The following PLXNA2 variants were observed in gnomAD, a reference collection of about 807,000 sequenced individuals.
The protein encoded by PLXNA2 is plexin A2.
Under a neutral mutation model 193.5 loss-of-function variants are expected in PLXNA2, and 91 were observed. The observed-to-expected ratio is 0.47, with a 90% confidence interval of 0.40 to 0.56. PLXNA2 has a LOEUF of 0.56. Among genes scored for constraint, PLXNA2 ranks in the 20% least tolerant of loss-of-function variants. PLXNA2 has a pLI of 0.00. For synonymous variants in PLXNA2, 997 were observed against 1,027.3 expected, an observed-to-expected ratio of 0.97 and a Z score of 0.56; for missense variants, 1,995 against 2,503.2, an observed-to-expected ratio of 0.80 and a Z score of 4.33.
intron 3 of PLXNA2, among the ~76,000 whole-genome samples, chr1:208,202,927 A>C (rs1055581308): frequency 1.3e-5 from 2 of 152,196 alleles, no homozygotes; most frequent in African/African-American, 4.8e-5. Context: ...AACTACACAA[A>C]AAGTACAAAA....
chr1:208,150,422 T>C (rs1335032493), intron 3 of PLXNA2, among the ~76,000 whole-genome samples: 1 of 152,068 alleles, frequency 6.6e-6, no homozygotes, highest in African/African-American at 2.4e-5. Context: ...GCCATGGAGA[T>C]CTTTCTCCTG....
At chr1:208,212,118 A>G (rs1051976092) in intron 2 of PLXNA2, among the ~76,000 whole-genome samples, 1 of 152,190 alleles carries the variant, frequency 6.6e-6, no homozygotes, top group Non-Finnish European at 1.5e-5. Flanking sequence ...GGAAATGGCT[A>G]TCGTAGAAAT....
chr1:208,226,514 T>C (rs1671515693), intron 1 of PLXNA2, among the ~76,000 whole-genome samples: 1 of 152,120 alleles, frequency 6.6e-6, no homozygotes, highest in African/African-American at 2.4e-5. Context: ...TGTGCACTCA[T>C]CTGAGGGGCT....
intron 3 of PLXNA2, among the ~76,000 whole-genome samples, chr1:208,165,400 T>G (rs1019288371): frequency 9.9e-5 from 15 of 152,184 alleles, no homozygotes; most frequent in Middle Eastern, 3.4e-3. Flanking sequence ...CTACCCCGGT[T>G]TTATATTTGG....
At chr1:208,041,540 G>T (rs576418175) in intron 22 of PLXNA2, among the ~76,000 whole-genome samples, 8 of 152,228 alleles carry the variant, frequency 5.3e-5, no homozygotes, top group Admixed American at 2.0e-4. Flanking sequence ...GCGATAATGG[G>T]AATGTTCTCT....
At chr1:208,051,468 A>C in intron 15 of PLXNA2, 45 bp from the exon 16 acceptor site, 2 of 1,542,554 alleles carry the variant, frequency 1.3e-6, no homozygotes, top group Non-Finnish European at 1.8e-6. Flanking sequence ...GGCATGGGCA[A>C]CAAGAGGTGC....
chr1:208,190,155 A>AT (rs892447160), intron 3 of PLXNA2, among the ~76,000 whole-genome samples: 16 of 151,506 alleles, frequency 1.1e-4, no homozygotes, highest in East Asian at 3.9e-4. Flanking sequence ...CAGAAAAGGG[A>AT]TTTTTTTTTC....
Position 208,027,003 on chromosome 1 carries a change from G to T in PLXNA2, c.*240C>A. 2.3e-6 allele frequency: 1 copy of T among 429,074 alleles called. No homozygotes were observed. The highest frequency in any genetic ancestry group is 4.2e-6 in the Non-Finnish European group (1 of 236,728). The allele number at this position is 429,074 out of a possible 1,614,324, so 26.6% of individuals were successfully genotyped here. On this transcript the variant is annotated 3_prime_UTR_variant, in exon 32 of 32. Coordinates refer to ENST00000367033, the MANE Select transcript of PLXNA2 (RefSeq NM_025179.4). Reference sequence around the variant, plus strand: ...CGGCTTGAAGAACCACCTTCTCCCGGCCCCGGGTTCTCTGGTGTTCTCACT... The same window carrying T: ...CGGCTTGAAGAACCACCTTCTCCCGTCCCCGGGTTCTCTGGTGTTCTCACT...
chr1:208,139,772 A>G (rs1251274473), intron 4 of PLXNA2, among the ~76,000 whole-genome samples: 1 of 152,182 alleles, frequency 6.6e-6, no homozygotes, highest in Non-Finnish European at 1.5e-5. Context: ...GCTTCCTTGG[A>G]GACATCTGAG....
In PLXNA2 at chr1:208,054,405, T is replaced by C. The variant is rs756058847; in HGVS notation, c.2856+16A>G. 3 of 1,578,342 alleles carry C rather than the reference T, an allele frequency of 1.9e-6. No individual in the cohort carries two copies. Among genetic ancestry groups the C allele is most frequent in the South Asian group, 1.1e-5 (1 of 90,086 alleles). ...CTCCCTGGGCACCTGCACCTGGCCCTGGACCCAGTACTCACCACGAAGGTG... is the reference window on the plus strand; with the variant it reads ...CTCCCTGGGCACCTGCACCTGGCCCCGGACCCAGTACTCACCACGAAGGTG... On this transcript the variant is annotated intron_variant, in intron 14 of 31. Transcript: ENST00000367033.
intron 5 of PLXNA2, among the ~76,000 whole-genome samples, chr1:208,102,503 T>C (rs1667128713): frequency 6.6e-6 from 1 of 152,244 alleles, no homozygotes; most frequent in South Asian, 2.1e-4. Context: ...AAGTGAGATG[T>C]GAACTTCTTA....
At chr1:208,041,597 A>G (rs942945113) in intron 22 of PLXNA2, among the ~76,000 whole-genome samples, 4 of 152,240 alleles carry the variant, frequency 2.6e-5, no homozygotes, top group Non-Finnish European at 4.4e-5. Context: ...TGTGGCAACC[A>G]AGCACTTAGA....
At chr1:208,094,281 C>T (rs1666806095) in intron 8 of PLXNA2, among the ~76,000 whole-genome samples, 1 of 152,164 alleles carries the variant, frequency 6.6e-6, no homozygotes, top group South Asian at 2.1e-4. Flanking sequence ...TAGCACTAAT[C>T]TTTCTGTGGG....
intron 1 of PLXNA2, among the ~76,000 whole-genome samples, chr1:208,232,975 AGCTACGATACCTTTCT>A (rs1671735117): frequency 6.6e-6 from 1 of 152,188 alleles, no homozygotes; most frequent in Non-Finnish European, 1.5e-5. Flanking sequence ...CTCAGCTATC[AGCTACGATACCTTTCT>A]GCTCTATGCA....
chr1:208,205,925 AAT>A (rs1670706448), intron 3 of PLXNA2, among the ~76,000 whole-genome samples: 1 of 152,218 alleles, frequency 6.6e-6, no homozygotes, highest in Admixed American at 6.5e-5. Context: ...AAAACCAGGT[AAT>A]CACATTTCAA....
chr1:208,186,776 G>A (rs1226409063), intron 3 of PLXNA2, among the ~76,000 whole-genome samples: 7 of 148,182 alleles, frequency 4.7e-5, no homozygotes, highest in African/African-American at 1.3e-4. Flanking sequence ...GCGGACTGCA[G>A]TGGCGCAATC....
intron 17 of PLXNA2, among the ~76,000 whole-genome samples, chr1:208,047,891 C>A (rs550652188): frequency 6.6e-6 from 1 of 152,220 alleles, no homozygotes; most frequent in African/African-American, 2.4e-5. Flanking sequence ...AGGGAGTACA[C>A]ATTCCTGCCC....
At chr1:208,049,158 C>A (rs1665170151) in intron 17 of PLXNA2, among the ~76,000 whole-genome samples, 1 of 152,202 alleles carries the variant, frequency 6.6e-6, no homozygotes, top group South Asian at 2.1e-4. Flanking sequence ...GGCAGACCAA[C>A]CCTGGTGCTT....
At chr1:208,163,805 T>C (rs936661675) in intron 3 of PLXNA2, among the ~76,000 whole-genome samples, 1 of 152,188 alleles carries the variant, frequency 6.6e-6, no homozygotes, top group Non-Finnish European at 1.5e-5. Flanking sequence ...CCATCCTTTG[T>C]TTTGTTGAGT....
Sources: gnomAD v4.1 joint callset for allele counts (sites outside exome capture counted in the v4.1 genomes callset) on GRCh38, gnomAD v4.1.1 for gene constraint, MANE v1.5 for transcripts, NCBI Gene and HGNC (gene_info 2026-07-23, HGNC 2026-07-21) for gene names.